Variants in TMC1 observed in about 807,000 individuals in gnomAD.
TMC1 encodes transmembrane channel like 1.
TMC1 carries 84 observed loss-of-function variants against 105.8 expected under a neutral mutation model. That is an observed-to-expected ratio of 0.79 (90% CI 0.67 to 0.95). The LOEUF (loss-of-function observed/expected upper bound fraction) is 0.95. Ranked by LOEUF, TMC1 falls within the 40% of genes least tolerant of loss-of-function variation. TMC1 has a pLI of 0.00. For missense variants in TMC1, 817 were observed against 914.1 expected, an observed-to-expected ratio of 0.89 and a Z score of 1.37; for synonymous variants, 315 against 311.5, an observed-to-expected ratio of 1.01 and a Z score of -0.12.
chr9:72,535,430 T>A (rs1823566074), intron 1 of TMC1, among the ~76,000 whole-genome samples: 1 of 152,232 alleles, frequency 6.6e-6, no homozygotes, highest in Admixed American at 6.5e-5. Flanking sequence ...TAGCTGCATA[T>A]AACCTTGCTC....
intron 1 of TMC1, among the ~76,000 whole-genome samples, chr9:72,559,155 C>T (rs923755570): frequency 8.6e-5 from 13 of 150,384 alleles, no homozygotes; most frequent in East Asian, 3.9e-4. Flanking sequence ...AGTGCAATGG[C>T]GCAATCTTGG....
At chr9:72,689,136 AAT>A (rs1272613851) in intron 6 of TMC1, among the ~76,000 whole-genome samples, 5 of 152,112 alleles carry the variant, frequency 3.3e-5, no homozygotes, top group African/African-American at 1.2e-4. Flanking sequence ...GCAGTGTAGA[AAT>A]ATGATTGGAC....
At chr9:72,754,635 C>G in intron 11 of TMC1, 151 bp from the exon 12 acceptor site, 2 of 684,118 alleles carry the variant, frequency 2.9e-6, no homozygotes, top group South Asian at 1.6e-5. Context: ...ATTTAGTAGT[C>G]GATTCCCAGA....
At chr9:72,722,758 A>T (rs1827049619) in intron 8 of TMC1, among the ~76,000 whole-genome samples, 1 of 152,180 alleles carries the variant, frequency 6.6e-6, no homozygotes, top group Non-Finnish European at 1.5e-5. Flanking sequence ...AAGGGTCTGG[A>T]TGAATAGGTG....
chr9:72,807,470 A>T (rs1230194330), intron 18 of TMC1, among the ~76,000 whole-genome samples: 1 of 152,214 alleles, frequency 6.6e-6, no homozygotes, highest in Non-Finnish European at 1.5e-5. Context: ...ATTCTAGTAA[A>T]ATTAGCACAA....
intron 1 of TMC1, among the ~76,000 whole-genome samples, chr9:72,547,887 C>A (rs1363300432): frequency 6.6e-6 from 1 of 152,188 alleles, no homozygotes; most frequent in Non-Finnish European, 1.5e-5. Context: ...TCTCACAGTT[C>A]TGGAGGCTGG....
At chr9:72,781,026 C>G (rs1178799799) in intron 13 of TMC1, among the ~76,000 whole-genome samples, 3 of 152,186 alleles carry the variant, frequency 2.0e-5, no homozygotes, top group Non-Finnish European at 4.4e-5. Context: ...TTCTTCTTAT[C>G]TGCAAATGAC....
At chr9:72,718,897 A>T (rs181081276) in intron 8 of TMC1, among the ~76,000 whole-genome samples, 2 of 152,204 alleles carry the variant, frequency 1.3e-5, no homozygotes, top group African/African-American at 2.4e-5. Flanking sequence ...CTGTGGGGAT[A>T]GGGGTGTGGT....
At position 72,688,775 on chromosome 9, in the gene TMC1, C is replaced by G; in HGVS notation, c.64+19C>G. On this transcript the variant is annotated intron_variant, in intron 6 of 23. Coordinates refer to ENST00000297784, the MANE Select transcript of TMC1 (RefSeq NM_138691.3). Reference sequence around the variant, plus strand: ...AGCTCAAGTAAGTGGTGATGGGCCACTTGGGATACATTTCCTATGGAATAC... The same window carrying G: ...AGCTCAAGTAAGTGGTGATGGGCCAGTTGGGATACATTTCCTATGGAATAC... The G allele has an allele frequency of 6.2e-7, 1 of 1,600,694 alleles. No individual in the cohort carries two copies. Among genetic ancestry groups the G allele is most frequent in the Non-Finnish European group, 8.6e-7 (1 of 1,169,362 alleles).
intron 8 of TMC1, among the ~76,000 whole-genome samples, chr9:72,714,785 T>C (rs1178736078): frequency 6.6e-6 from 1 of 152,226 alleles, no homozygotes. Flanking sequence ...AATATTGTTA[T>C]GTGTGATTTG....
At chr9:72,666,793 T>C (rs1826050164) in intron 5 of TMC1, among the ~76,000 whole-genome samples, 1 of 152,096 alleles carries the variant, frequency 6.6e-6, no homozygotes, top group South Asian at 2.1e-4. Flanking sequence ...CTCATGCTGG[T>C]AATCCCAGCA....
intron 8 of TMC1, among the ~76,000 whole-genome samples, chr9:72,701,361 T>C (rs887289402): frequency 3.3e-5 from 5 of 152,182 alleles, no homozygotes; most frequent in African/African-American, 1.2e-4. Context: ...CAAATGATTA[T>C]CCTATTCTGG....
In TMC1 at chr9:72,792,285, G is replaced by A. The variant is rs749066542; in HGVS notation, c.1499G>A (p.Gly500Glu). 7.4e-6 allele frequency: 12 copies of A among 1,614,044 alleles called. No individual in the cohort carries two copies. The East Asian group carries it at 1.8e-4, about 24-fold the overall frequency. ...YNASFSENST[G>E]PPFFVHPADV... ...GCATCATTCTCTGAAAATAGCACTG[G>A]ACCACCCTTTTTTGTTCACCCTGCA... Residue 500 changes from glycine (G) to glutamate (E), a missense_variant, in exon 17 of 24, where the codon GGA becomes GAA. By Grantham distance (98) the Gly-to-Glu change is moderately conservative (BLOSUM62 -2). Coordinates refer to ENST00000297784, the MANE Select transcript of TMC1 (RefSeq NM_138691.3).
intron 17 of TMC1, among the ~76,000 whole-genome samples, chr9:72,792,836 G>C (rs112572625): frequency 6.6e-6 from 1 of 152,136 alleles, no homozygotes; most frequent in Non-Finnish European, 1.5e-5. Flanking sequence ...AGTAAATATA[G>C]CACCTTCAAC....
intron 2 of TMC1, among the ~76,000 whole-genome samples, chr9:72,609,740 C>G (rs1036171470): frequency 3.7e-4 from 56 of 152,142 alleles, no homozygotes; most frequent in Non-Finnish European, 1.5e-4. Context: ...TCTTCAACAT[C>G]TAACTATTAT....
At chr9:72,727,170 A>G (rs1225555147) in intron 8 of TMC1, among the ~76,000 whole-genome samples, 2 of 152,178 alleles carry the variant, frequency 1.3e-5, no homozygotes, top group East Asian at 3.9e-4. Flanking sequence ...CTCGAATTCT[A>G]TTAGCTCTTT....
chr9:72,605,547 A>G (rs967736187), intron 2 of TMC1, among the ~76,000 whole-genome samples: 1 of 151,682 alleles, frequency 6.6e-6, no homozygotes, highest in Non-Finnish European at 1.5e-5. Flanking sequence ...TTTTTGAGTG[A>G]AAATTTATAA....
In TMC1 at chr9:72,704,621, A is replaced by C. The variant is rs953372017; in HGVS notation, c.362+3978A>C. Among the ~76,000 whole-genome samples, 32 of 152,192 alleles carry C rather than the reference A, an allele frequency of 2.1e-4. 2 individuals are homozygous for C. On this transcript the variant is annotated intron_variant, in intron 8 of 23. Transcript: ENST00000297784. ...TAGAGTTCAGCATTTTCAAGATAGC[A>C]GAATTGGCTCTATACAGCTGAAAGG...
intron 13 of TMC1, among the ~76,000 whole-genome samples, chr9:72,783,301 G>T (rs548576471): frequency 6.6e-6 from 1 of 152,166 alleles, no homozygotes; most frequent in Non-Finnish European, 1.5e-5. Flanking sequence ...CAGGGAAACC[G>T]ACAGTGTAGC....
Sources: allele counts gnomAD v4.1 joint callset (sites outside exome capture counted in the v4.1 genomes callset), GRCh38; gene constraint gnomAD v4.1.1; transcripts MANE v1.5; gene names NCBI Gene and HGNC (gene_info 2026-07-23, HGNC 2026-07-21).